The following RAB3C variants were observed in gnomAD, a reference collection of about 807,000 sequenced individuals.
RAB3C encodes RAB3C, member RAS oncogene family, also known as ras-related protein Rab-3C.
RAB3C carries 17 observed loss-of-function variants against 26.4 expected under a neutral mutation model. The ratio of observed to expected loss-of-function variants is 0.64; its 90% CI spans 0.44 to 0.97. The LOEUF (loss-of-function observed/expected upper bound fraction) is 0.97, where lower values mean the gene tolerates loss of function less well. Ranked by LOEUF, RAB3C falls within the 50% of genes least tolerant of loss-of-function variation. The pLI, the probability that RAB3C is intolerant of heterozygous loss-of-function variation, is 0.00. For missense variants in RAB3C, 242 were observed against 281.9 expected (o/e 0.86, Z 1.01); for synonymous variants, 91 against 95.9 (o/e 0.95, Z 0.30).
intron 3 of RAB3C, among the ~76,000 whole-genome samples, chr5:58,727,179 C>A (rs1740909397): frequency 6.6e-6 from 1 of 151,876 alleles, no homozygotes; most frequent in African/African-American, 2.4e-5. Context: ...ACATATATAT[C>A]AGTTCAGTGA....
intron 2 of RAB3C, among the ~76,000 whole-genome samples, chr5:58,693,347 T>TATATGTATATATATATATATATATAC (rs1748617138): frequency 7.3e-6 from 1 of 137,852 alleles, no homozygotes; most frequent in African/African-American, 3.0e-5. Flanking sequence ...TATATATATA[T>TATATGTATATATATATATATATATAC]ATATATATAT....
intron 2 of RAB3C, among the ~76,000 whole-genome samples, chr5:58,724,108 G>A (rs1209675190): frequency 1.3e-5 from 2 of 151,758 alleles, no homozygotes; most frequent in Non-Finnish European, 2.9e-5. Context: ...TTTTGCAAAT[G>A]TCAAACTTCT....
At chr5:58,785,866 A>C (rs1439491261) in intron 3 of RAB3C, among the ~76,000 whole-genome samples, 1 of 152,276 alleles carries the variant, frequency 6.6e-6, no homozygotes, top group African/African-American at 2.4e-5. Context: ...AATGATGTAG[A>C]ATAATCAGTT....
Position 58,603,037 on chromosome 5 carries a change from G to A in RAB3C, c.25-14606G>A, listed in dbSNP as rs191338218. ...CGGTGAATTCTCTCAGCATTTGCTT[G>A]TCTGAATATGACTGTATCTTTCCTT... On this transcript the variant is annotated intron_variant, in intron 1 of 4. Coordinates refer to ENST00000282878, the MANE Select transcript of RAB3C (RefSeq NM_138453.4). Among the ~76,000 whole-genome samples the A allele has an allele frequency of 2.9e-3, 436 of 152,224 alleles. 3 individuals are homozygous for A. Among genetic ancestry groups the A allele is most frequent in the African/African-American group, 9.7e-3 (403 of 41,546 alleles).
At chr5:58,768,996 C>A (rs1741968702) in intron 3 of RAB3C, among the ~76,000 whole-genome samples, 1 of 152,074 alleles carries the variant, frequency 6.6e-6, no homozygotes, top group South Asian at 2.1e-4. Flanking sequence ...TGGTAGCTGG[C>A]CCAAAGCAGC....
At chr5:58,758,182 G>A (rs1381548226) in intron 3 of RAB3C, among the ~76,000 whole-genome samples, 1 of 152,110 alleles carries the variant, frequency 6.6e-6, no homozygotes, top group Non-Finnish European at 1.5e-5. Flanking sequence ...CTGACCTTGT[G>A]ATCCGCCTGC....
chr5:58,702,945 G>A (rs868548062), intron 2 of RAB3C, among the ~76,000 whole-genome samples: 4 of 152,168 alleles, frequency 2.6e-5, no homozygotes, highest in African/African-American at 2.4e-5. Flanking sequence ...AACCTGGATA[G>A]TGAGTATAAG....
At chr5:58,632,796 C>T (rs1420263859) in intron 2 of RAB3C, among the ~76,000 whole-genome samples, 1 of 152,188 alleles carries the variant, frequency 6.6e-6, no homozygotes, top group Non-Finnish European at 1.5e-5. Flanking sequence ...AGCCTATTAC[C>T]ATCCCCTTCC....
At chr5:58,670,932 C>A (rs1579849181) in intron 2 of RAB3C, among the ~76,000 whole-genome samples, 1 of 152,096 alleles carries the variant, frequency 6.6e-6, no homozygotes, top group Non-Finnish European at 1.5e-5. Context: ...AAACTCATGT[C>A]AAACCCCTGG....
At chr5:58,793,841 G>C (rs541426115) in intron 3 of RAB3C, among the ~76,000 whole-genome samples, 2 of 152,134 alleles carry the variant, frequency 1.3e-5, no homozygotes, top group South Asian at 2.1e-4. Context: ...CTCTATGCTT[G>C]TAATATTCCA....
intron 3 of RAB3C, among the ~76,000 whole-genome samples, chr5:58,756,402 A>ATG (rs1248184822): frequency 1.4e-5 from 2 of 144,208 alleles, no homozygotes; most frequent in African/African-American, 5.1e-5. Context: ...ATATATATAT[A>ATG]TATGTATGTT....
intron 2 of RAB3C, among the ~76,000 whole-genome samples, chr5:58,620,825 G>T (rs1746921454): frequency 6.6e-6 from 1 of 152,088 alleles, no homozygotes; most frequent in Non-Finnish European, 1.5e-5. Context: ...GATGCATCTG[G>T]GATGGTGAAA....
chr5:58,759,737 A>G (rs886857774), intron 3 of RAB3C, among the ~76,000 whole-genome samples: 1 of 152,192 alleles, frequency 6.6e-6, no homozygotes, highest in African/African-American at 2.4e-5. Flanking sequence ...TACCTGGAAG[A>G]ACTGGCTTCT....
intron 2 of RAB3C, among the ~76,000 whole-genome samples, chr5:58,693,347 T>TATATATACAC (rs1554048076): frequency 3.6e-5 from 5 of 137,852 alleles, no homozygotes; most frequent in African/African-American, 1.2e-4. Context: ...TATATATATA[T>TATATATACAC]ATATATATAT....
At chr5:58,630,548 CATT>C (rs1440475866) in intron 2 of RAB3C, among the ~76,000 whole-genome samples, 1 of 152,156 alleles carries the variant, frequency 6.6e-6, no homozygotes, top group African/African-American at 2.4e-5. Context: ...AAAAAAATCT[CATT>C]ATATCTGGCT....
At chr5:58,583,663 T>G (rs1745954241) in intron 1 of RAB3C, among the ~76,000 whole-genome samples, 1 of 152,144 alleles carries the variant, frequency 6.6e-6, no homozygotes, top group Non-Finnish European at 1.5e-5. Flanking sequence ...GAATTCCGCT[T>G]GGTTAAAGGC....
chr5:58,583,318 G>A, intron 1 of RAB3C, 86 bp downstream of exon 1: 1 of 1,598,360 alleles, frequency 6.3e-7, no homozygotes, highest in Non-Finnish European at 8.5e-7. Flanking sequence ...TTCAACGTAA[G>A]GAAAGGTCTA....
chr5:58,700,662 CA>C (rs1182689049), intron 2 of RAB3C, among the ~76,000 whole-genome samples: 60 of 152,160 alleles, frequency 3.9e-4, no homozygotes, highest in Non-Finnish European at 2.1e-4. Flanking sequence ...AACCACTTTG[CA>C]AAACATCATC....
chr5:58,676,068 A>G (rs1451833746), intron 2 of RAB3C, among the ~76,000 whole-genome samples: 1 of 152,260 alleles, frequency 6.6e-6, no homozygotes, highest in East Asian at 1.9e-4. Flanking sequence ...ATTTCGAAGA[A>G]AAAGTCCCTG....
Sources: allele counts gnomAD v4.1 joint callset (sites outside exome capture counted in the v4.1 genomes callset), GRCh38; gene constraint gnomAD v4.1.1; transcripts MANE v1.5; gene names NCBI Gene and HGNC (gene_info 2026-07-23, HGNC 2026-07-21).